CCDC60: variants seen among roughly 807,000 people sequenced by gnomAD.
CCDC60 encodes coiled-coil domain containing 60, also known as coiled-coil domain-containing protein 60.
CCDC60 carries 54 observed loss-of-function variants against 63.5 expected under a neutral mutation model. The observed-to-expected ratio is 0.85, with a 90% confidence interval of 0.68 to 1.07. The LOEUF is 1.07. Among genes scored for constraint, CCDC60 ranks in the 50% least tolerant of loss-of-function variants. The pLI is 0.00. For synonymous variants in CCDC60, 206 were observed against 238.8 expected, an observed-to-expected ratio of 0.86 and a Z score of 1.27; for missense variants, 651 against 684.3, an observed-to-expected ratio of 0.95 and a Z score of 0.54.
intron 1 of CCDC60, among the ~76,000 whole-genome samples, chr12:119,416,765 G>GT (rs990832200): frequency 1.1e-4 from 16 of 152,142 alleles, no homozygotes; most frequent in African/African-American, 3.9e-4. Context: ...GGTGCCCTGA[G>GT]TTTTTTCAAA....
At chr12:119,413,847 T>C (rs575369501) in intron 1 of CCDC60, among the ~76,000 whole-genome samples, 6 of 152,228 alleles carry the variant, frequency 3.9e-5, no homozygotes, top group African/African-American at 1.4e-4. Flanking sequence ...CAGTGCGTAA[T>C]GGGGATTTTA....
intron 3 of CCDC60, among the ~76,000 whole-genome samples, chr12:119,475,931 C>T (rs1248543101): frequency 6.6e-6 from 1 of 152,110 alleles, no homozygotes; most frequent in Non-Finnish European, 1.5e-5. Flanking sequence ...TCCATGAAAG[C>T]TGAAAAGCAT....
chr12:119,492,762 T>G (rs1235326008), intron 5 of CCDC60, among the ~76,000 whole-genome samples: 1 of 152,186 alleles, frequency 6.6e-6, no homozygotes, highest in Non-Finnish European at 1.5e-5. Context: ...TGTTCCTGCC[T>G]CAGAAGTTAT....
chr12:119,450,856 CAA>C (rs761740089), intron 2 of CCDC60, among the ~76,000 whole-genome samples: 1 of 85,496 alleles, frequency 1.2e-5, no homozygotes, highest in Non-Finnish European at 2.2e-5. Flanking sequence ...GACTCCATCT[CAA>C]AAAAAAAAAA....
intron 1 of CCDC60, among the ~76,000 whole-genome samples, chr12:119,407,589 G>A (rs891793267): frequency 6.6e-6 from 1 of 152,124 alleles, no homozygotes; most frequent in African/African-American, 2.4e-5. Flanking sequence ...ACACATGCAT[G>A]CATATGTACC....
intron 7 of CCDC60, among the ~76,000 whole-genome samples, chr12:119,507,551 C>CATAT (rs781735897): frequency 8.7e-5 from 6 of 68,852 alleles, no homozygotes; most frequent in Non-Finnish European, 1.2e-4. Flanking sequence ...CATATATATA[C>CATAT]ATATATATAT....
chr12:119,538,648 CA>C (rs1197743527), intron 13 of CCDC60, among the ~76,000 whole-genome samples: 10 of 152,312 alleles, frequency 6.6e-5, no homozygotes, highest in African/African-American at 2.2e-4. Context: ...TCCTTTAGCT[CA>C]GAGGAGTTTG....
chr12:119,450,468 A>G (rs941713641), intron 2 of CCDC60, among the ~76,000 whole-genome samples: 2 of 152,220 alleles, frequency 1.3e-5, no homozygotes, highest in Non-Finnish European at 2.9e-5. Context: ...GGTGGAGAAG[A>G]GCAGAGCATT....
intron 3 of CCDC60, among the ~76,000 whole-genome samples, chr12:119,478,807 GT>G (rs1216890434): frequency 6.6e-6 from 1 of 151,870 alleles, no homozygotes; most frequent in African/African-American, 2.4e-5. Flanking sequence ...GGGTTTCACC[GT>G]GTTAGCCAGG....
intron 1 of CCDC60, among the ~76,000 whole-genome samples, chr12:119,385,482 GT>G (rs766167899): frequency 1.3e-4 from 20 of 152,280 alleles, no homozygotes; most frequent in Admixed American, 2.6e-4. Flanking sequence ...TTTATAAAGG[GT>G]TTCCCCCTTT....
intron 1 of CCDC60, among the ~76,000 whole-genome samples, chr12:119,356,105 T>C (rs1013224126): frequency 2.6e-5 from 4 of 152,252 alleles, no homozygotes; most frequent in African/African-American, 9.6e-5. Flanking sequence ...ATTATCTCCT[T>C]GTACAGCTAC....
intron 1 of CCDC60, among the ~76,000 whole-genome samples, chr12:119,383,409 C>T (rs1453849082): frequency 6.6e-6 from 1 of 152,114 alleles, no homozygotes; most frequent in South Asian, 2.1e-4. Context: ...ATGATTGGAC[C>T]AAAGGGAAAC....
chr12:119,342,512 G>A (rs1319549697), intron 1 of CCDC60, among the ~76,000 whole-genome samples: 1 of 152,132 alleles, frequency 6.6e-6, no homozygotes, highest in Non-Finnish European at 1.5e-5. Flanking sequence ...GGGATCCCAA[G>A]CCATGCATTG....
At position 119,524,981 on chromosome 12, in the gene CCDC60, A is replaced by G. The variant is rs141830417; in HGVS notation, c.1229+1163A>G. ...ACACACAGCTGGAAACAATATTTTC[A>G]GTTTAATAAACATAGATGATATTTC... On this transcript the variant is annotated intron_variant, in intron 11 of 13. Transcript: ENST00000327554. 1.8e-3 allele frequency among the ~76,000 whole-genome samples: 278 copies of G among 152,108 alleles called. 1 individual carries two copies. The Middle Eastern group carries it at 0.024, about 13-fold the overall frequency.
In CCDC60 at chr12:119,490,562, T is replaced by G. The variant is rs76294772; in HGVS notation, c.557+1696T>G. Among the ~76,000 whole-genome samples, 868 of 150,994 alleles carry G rather than the reference T, an allele frequency of 5.7e-3. 7 individuals carry two copies. Among genetic ancestry groups the G allele is most frequent in the African/African-American group, 0.021 (836 of 40,404 alleles). ...GCCTTAAAACATTTTTCATGCCTTC[T>G]TCTTCTTTTTTTTTTTAAAGAGATG... On this transcript the variant is annotated intron_variant, in intron 5 of 13. Transcript: ENST00000327554.
chr12:119,458,066 C>T (rs989827827), intron 2 of CCDC60, among the ~76,000 whole-genome samples: 24 of 152,148 alleles, frequency 1.6e-4, no homozygotes, highest in African/African-American at 5.6e-4. Context: ...CATTTTTGCC[C>T]TCTCTTCCTC....
At chr12:119,476,550 G>A (rs952860730) in intron 3 of CCDC60, among the ~76,000 whole-genome samples, 8 of 152,116 alleles carry the variant, frequency 5.3e-5, no homozygotes, top group South Asian at 2.1e-4. Context: ...AACCCCTAAC[G>A]TGTGTCCCAG....
intron 6 of CCDC60, among the ~76,000 whole-genome samples, chr12:119,500,682 C>T (rs952388552): frequency 6.6e-6 from 1 of 151,940 alleles, no homozygotes. Flanking sequence ...AGCAAGACCC[C>T]GTCTTCACAA....
intron 1 of CCDC60, among the ~76,000 whole-genome samples, chr12:119,354,168 A>C (rs1955693383): frequency 6.6e-6 from 1 of 151,612 alleles, no homozygotes; most frequent in Non-Finnish European, 1.5e-5. Context: ...AATATTTCTT[A>C]GTTCTTCCTA....
Sources: gnomAD v4.1 joint callset for allele counts (sites outside exome capture counted in the v4.1 genomes callset) on GRCh38, gnomAD v4.1.1 for gene constraint, MANE v1.5 for transcripts, NCBI Gene and HGNC (gene_info 2026-07-23, HGNC 2026-07-21) for gene names.